BNC2: variants seen among roughly 807,000 people sequenced by gnomAD.
The protein encoded by BNC2 is zinc finger protein basonuclin-2.
Under a neutral mutation model 76.3 loss-of-function variants are expected in BNC2, and 20 were observed. The ratio of observed to expected loss-of-function variants is 0.26; its 90% confidence interval spans 0.18 to 0.38. The LOEUF is 0.38. Ranked by LOEUF, BNC2 falls within the 10% of genes least tolerant of loss-of-function variation. BNC2 has a pLI of 1.00. For missense variants in BNC2, 1,382 were observed against 1,399.8 expected (o/e 0.99, Z 0.20); for synonymous variants, 582 against 514.8 (o/e 1.13, Z -1.77).
intron 1 of BNC2, among the ~76,000 whole-genome samples, chr9:16,753,092 G>C (rs906120916): frequency 1.3e-5 from 2 of 152,142 alleles, no homozygotes; most frequent in African/African-American, 4.8e-5. Flanking sequence ...TATTTTAACA[G>C]ATCTCATTGA....
In BNC2 at chr9:16,471,578, CA is replaced by C. The variant is rs1361063966; in HGVS notation, c.670-34055del. 3.3e-5 allele frequency among the ~76,000 whole-genome samples: 5 copies of C among 152,208 alleles called. No individual in the cohort carries two copies. The East Asian group carries it at 9.6e-4, about 29-fold the overall frequency. Reference sequence around the variant, plus strand: ...AAGTGCCAGGATTACAGGCGTGAGCCACTGCACCCAGCTGCTTGCTTTTGAT... The same window carrying C: ...AAGTGCCAGGATTACAGGCGTGAGCCCTGCACCCAGCTGCTTGCTTTTGAT... On this transcript the variant is annotated intron_variant, in intron 5 of 6. Coordinates refer to ENST00000380672, the MANE Select transcript of BNC2 (RefSeq NM_017637.6).
intron 3 of BNC2, among the ~76,000 whole-genome samples, chr9:16,624,217 T>C (rs1488433250): frequency 6.6e-6 from 1 of 152,138 alleles, no homozygotes; most frequent in Non-Finnish European, 1.5e-5. Flanking sequence ...TTAATGGCCA[T>C]ACAATGAATA....
chr9:16,492,490 G>C (rs902133627), intron 5 of BNC2, among the ~76,000 whole-genome samples: 18 of 152,142 alleles, frequency 1.2e-4, no homozygotes, highest in African/African-American at 4.3e-4. Context: ...TGTTGGTCCT[G>C]GTTGTGAAAA....
At chr9:16,612,036 G>C (rs888436132) in intron 3 of BNC2, among the ~76,000 whole-genome samples, 2 of 136,982 alleles carry the variant, frequency 1.5e-5, no homozygotes, top group African/African-American at 2.6e-5. Context: ...AGGTAGAAGA[G>C]AGAACAGAGA....
Position 16,435,731 on chromosome 9 carries a change from G to A in BNC2, c.2463C>T (p.Ser821=), listed in dbSNP as rs1158239113. 6.2e-7 allele frequency: 1 copy of A among 1,614,044 alleles called. No individual in the cohort carries two copies. Among genetic ancestry groups the A allele is most frequent in the Admixed American group, 1.7e-5 (1 of 60,004 alleles). ...GGCTAGAACATAGGTCACCTTCTGG[G>A]GAGAACTTTTGAGGGCTGCCATAAT... is the stretch of plus-strand genomic sequence containing the variant. ...SLNYGSPQKF[S]PEGDLCSSPD... Residue 821 remains serine, a synonymous_variant, in exon 6 of 7, where the codon TCC becomes TCT. Coordinates refer to ENST00000380672, the MANE Select transcript of BNC2 (RefSeq NM_017637.6).
chr9:16,426,551 A>G (rs1426924942), intron 6 of BNC2, among the ~76,000 whole-genome samples: 2 of 152,182 alleles, frequency 1.3e-5, no homozygotes, highest in Non-Finnish European at 2.9e-5. Flanking sequence ...TTGTAGGACA[A>G]TCAATATTAG....
chr9:16,662,885 A>G (rs1182873292), intron 3 of BNC2, among the ~76,000 whole-genome samples: 2 of 152,184 alleles, frequency 1.3e-5, no homozygotes, highest in African/African-American at 4.8e-5. Context: ...TTTTATTATA[A>G]TTTTAAACAA....
intron 1 of BNC2, among the ~76,000 whole-genome samples, chr9:16,790,322 A>G (rs987931038): frequency 6.6e-6 from 1 of 152,236 alleles, no homozygotes; most frequent in Non-Finnish European, 1.5e-5. Context: ...TAATCAACAG[A>G]AATATTATGA....
intron 1 of BNC2, among the ~76,000 whole-genome samples, chr9:16,801,396 T>C (rs1418671982): frequency 7.0e-6 from 1 of 142,458 alleles, no homozygotes; most frequent in East Asian, 2.2e-4. Flanking sequence ...GCCCGGTTAA[T>C]TTTTCTATTT....
intron 3 of BNC2, among the ~76,000 whole-genome samples, chr9:16,595,676 T>C (rs1820045777): frequency 6.6e-6 from 1 of 152,126 alleles, no homozygotes; most frequent in South Asian, 2.1e-4. Flanking sequence ...GAAGGTAAAA[T>C]GTGTGCTAGT....
chr9:16,785,352 G>A (rs1208571807), intron 1 of BNC2, among the ~76,000 whole-genome samples: 1 of 152,124 alleles, frequency 6.6e-6, no homozygotes, highest in East Asian at 1.9e-4. Context: ...GGGAAAGTAA[G>A]GGGATCAGGT....
At chr9:16,628,092 C>T (rs933953740) in intron 3 of BNC2, among the ~76,000 whole-genome samples, 1 of 152,152 alleles carries the variant, frequency 6.6e-6, no homozygotes, top group African/African-American at 2.4e-5. Context: ...ATGACCAGAA[C>T]TGGTGAAAAA....
chr9:16,665,386 A>AAGAGAGAGAGAG lies in BNC2; in HGVS notation c.330+62399_330+62410dup, dbSNP rs55852227. ...CCTCTGTCTCAAAAAAAAAAAAAAA[A>AAGAGAGAGAGAG]AGAGAGAGAGAGAGAGAAAGAGAGA... On this transcript the variant is annotated intron_variant, in intron 3 of 6. Coordinates refer to ENST00000380672, the MANE Select transcript of BNC2 (RefSeq NM_017637.6). Among the ~76,000 whole-genome samples, 210 of 84,248 alleles carry AAGAGAGAGAGAG rather than the reference A, an allele frequency of 2.5e-3. 16 individuals are homozygous for AAGAGAGAGAGAG. Among genetic ancestry groups the AAGAGAGAGAGAG allele is most frequent in the African/African-American group, 9.9e-3 (203 of 20,478 alleles). 55.3% of individuals were successfully genotyped at this position (84,248 alleles called of 152,430 possible).
At chr9:16,612,554 C>T (rs916508035) in intron 3 of BNC2, among the ~76,000 whole-genome samples, 10 of 152,136 alleles carry the variant, frequency 6.6e-5, no homozygotes, top group Admixed American at 2.0e-4. Context: ...ATTCTTGTGG[C>T]CCCATCAATT....
chr9:16,778,310 C>G (rs1354875846), intron 1 of BNC2, among the ~76,000 whole-genome samples: 1 of 152,120 alleles, frequency 6.6e-6, no homozygotes, highest in East Asian at 1.9e-4. Flanking sequence ...GTGCTGCTGC[C>G]TGGCAGAGGT....
At chr9:16,453,780 T>C (rs916001082) in intron 5 of BNC2, among the ~76,000 whole-genome samples, 5 of 152,140 alleles carry the variant, frequency 3.3e-5, no homozygotes, top group African/African-American at 1.2e-4. Context: ...TCATGCCACT[T>C]TCCCGAGTGA....
chr9:16,680,801 T>C (rs1412297215), intron 3 of BNC2, among the ~76,000 whole-genome samples: 1 of 152,056 alleles, frequency 6.6e-6, no homozygotes. Flanking sequence ...ATGTTAGTGA[T>C]TACGTGTGTG....
intron 1 of BNC2, among the ~76,000 whole-genome samples, chr9:16,799,459 C>A (rs948295031): frequency 1.3e-5 from 2 of 152,052 alleles, no homozygotes; most frequent in African/African-American, 4.8e-5. Context: ...GGATTACCAG[C>A]ACCTGCCACA....
chr9:16,693,502 G>A (rs1025820621), intron 3 of BNC2, among the ~76,000 whole-genome samples: 5 of 152,128 alleles, frequency 3.3e-5, no homozygotes, highest in Non-Finnish European at 5.9e-5. Flanking sequence ...AACTGGAGGT[G>A]GAGTCCCTCA....
Sources: gnomAD v4.1 joint callset for allele counts (sites outside exome capture counted in the v4.1 genomes callset) on GRCh38, gnomAD v4.1.1 for gene constraint, MANE v1.5 for transcripts, NCBI Gene and HGNC (gene_info 2026-07-23, HGNC 2026-07-21) for gene names.